Variants in PCDHGB4 observed in about 807,000 individuals in gnomAD.
PCDHGB4 encodes protocadherin gamma-B4.
A neutral mutation model predicts 60.5 loss-of-function variants in PCDHGB4; 38 were observed. The ratio of observed to expected loss-of-function variants is 0.63; its 90% CI spans 0.48 to 0.82. PCDHGB4 has a LOEUF of 0.82. PCDHGB4 is among the 40% of genes least tolerant of loss of function. PCDHGB4 has a pLI of 0.00. For missense variants in PCDHGB4, 1,109 were observed against 1,209.6 expected, an observed-to-expected ratio of 0.92 and a Z score of 1.23; for synonymous variants, 456 against 509.7, an observed-to-expected ratio of 0.89 and a Z score of 1.42.
At chr5:141,433,256 C>G (rs760130587) in intron 1 of PCDHGB4, 2 of 1,385,666 alleles carry the variant, frequency 1.4e-6, no homozygotes, top group Non-Finnish European at 2.0e-6. Context: ...TGCAGCGGTA[C>G]GATCATAGCT....
intron 1 of PCDHGB4, among the ~76,000 whole-genome samples, chr5:141,466,884 T>G (rs901947336): frequency 2.6e-5 from 4 of 152,212 alleles, no homozygotes; most frequent in Admixed American, 1.3e-4. Flanking sequence ...TTTCATAATA[T>G]GCATTTTCCA....
intron 1 of PCDHGB4, among the ~76,000 whole-genome samples, chr5:141,460,961 A>ATATG (rs1463306338): frequency 3.5e-5 from 5 of 144,556 alleles, no homozygotes; most frequent in African/African-American, 1.3e-4. Flanking sequence ...GTATATATAT[A>ATATG]TGTGTGTGTG....
chr5:141,487,771 T>C lies in PCDHGB4; in HGVS notation c.2398-7036T>C. The C allele has an allele frequency of 1.3e-6, 2 of 1,537,446 alleles. No homozygotes were observed. Among genetic ancestry groups the C allele is most frequent in the South Asian group, 2.4e-5 (2 of 82,456 alleles). ...ACTATGTGGTAGACGCTGTGCTTTGTAACTGTTTCGTGAATTAACCAGAGT... is the reference window on the plus strand; with the variant it reads ...ACTATGTGGTAGACGCTGTGCTTTGCAACTGTTTCGTGAATTAACCAGAGT... On this transcript the variant is annotated intron_variant, in intron 1 of 3. Coordinates refer to ENST00000519479, the MANE Select transcript of PCDHGB4 (RefSeq NM_003736.4). This position sits in a 1 kb window ranked among gnomAD's most constrained non-coding sequence, Gnocchi z 5.0.
Position 141,431,615 on chromosome 5 carries a change from G to A in PCDHGB4, c.2397+41334G>A. 1.2e-6 allele frequency: 2 copies of A among 1,614,236 alleles called. No homozygotes were observed. Among genetic ancestry groups the A allele is most frequent in the Non-Finnish European group, 1.7e-6 (2 of 1,180,042 alleles). ...GAGGTATTCCTTCCGGTATGTGGACGACAAGGCGGCCCAAGTTTTCAAACT... is the reference window on the plus strand; with the variant it reads ...GAGGTATTCCTTCCGGTATGTGGACAACAAGGCGGCCCAAGTTTTCAAACT... On this transcript the variant is annotated intron_variant, in intron 1 of 3. Coordinates refer to ENST00000519479, the MANE Select transcript of PCDHGB4 (RefSeq NM_003736.4). The surrounding 1 kb of genome is among the most constrained non-coding windows in gnomAD (Gnocchi z 4.8).
intron 1 of PCDHGB4, chr5:141,395,176 A>G (rs750497200): frequency 1.1e-5 from 18 of 1,614,206 alleles, no homozygotes; most frequent in East Asian, 8.9e-5. Flanking sequence ...TGTGAGAAAA[A>G]TGATTCTTTG....
chr5:141,508,974 G>A (rs962653911), intron 3 of PCDHGB4, among the ~76,000 whole-genome samples: 2 of 152,128 alleles, frequency 1.3e-5, no homozygotes, highest in Non-Finnish European at 2.9e-5. Flanking sequence ...AAAGGGCTGG[G>A]GGTGGGGGCC....
Position 141,489,361 on chromosome 5 carries a change from C to A in PCDHGB4, c.2398-5446C>A. ...TTACTCAGTGGTGGAGGAGTCTGAG[C>A]CGGGGACGCTGGTGGGGAATGTTGC... On this transcript the variant is annotated intron_variant, in intron 1 of 3. Transcript: ENST00000519479. This position sits in a 1 kb window ranked among gnomAD's most constrained non-coding sequence, Gnocchi z 4.5. 1 of 1,612,880 alleles carries A rather than the reference C, an allele frequency of 6.2e-7. No individual in the cohort carries two copies. The highest frequency in any genetic ancestry group is 8.5e-7 in the Non-Finnish European group (1 of 1,179,164).
At chr5:141,470,015 G>C (rs999085849) in intron 1 of PCDHGB4, among the ~76,000 whole-genome samples, 1 of 152,130 alleles carries the variant, frequency 6.6e-6, no homozygotes, top group Non-Finnish European at 1.5e-5. Context: ...TGTAATCCCA[G>C]CTACTCGGGA....
In PCDHGB4 at chr5:141,402,929, A is replaced by G. The variant is rs751760276; in HGVS notation, c.2397+12648A>G. 12 of 1,583,076 alleles carry G rather than the reference A, an allele frequency of 7.6e-6. No individual in the cohort carries two copies. In the South Asian group the frequency reaches 1.3e-4, roughly 17 times the overall value. On this transcript the variant is annotated intron_variant, in intron 1 of 3. Coordinates refer to ENST00000519479, the MANE Select transcript of PCDHGB4 (RefSeq NM_003736.4). ...AGCAGCGCGCACAGAGATCCTTTTG[A>G]GAAAATTCCAAAGCGAGGCAGCAAT...
chr5:141,443,235 C>G (rs1182428300), intron 1 of PCDHGB4, among the ~76,000 whole-genome samples: 2 of 151,642 alleles, frequency 1.3e-5, no homozygotes, highest in East Asian at 1.9e-4. Flanking sequence ...AATCTTAGCA[C>G]TTTGGGGCGC....
rs1596285501 is a variant in PCDHGB4, at chr5:141,510,367, C to A, written c.2546-580C>A. Among the ~76,000 whole-genome samples the A allele has an allele frequency of 5.0e-5, 7 of 140,362 alleles. 1 individual carries two copies. In the South Asian group the frequency reaches 1.6e-3, roughly 31 times the overall value. The allele number at this position is 140,362 out of a possible 152,430, so 92.1% of individuals were successfully genotyped here. A position where few individuals can be genotyped will look rare whatever the true frequency, so the allele number is the denominator to read the frequency against. On this transcript the variant is annotated intron_variant, in intron 3 of 3. Transcript: ENST00000519479. ...ACACTTACTAACGGAACTACCGAAT[C>A]TCTACTCGTGCCAGGCCTTGCTTGG...
chr5:141,423,531 C>T, intron 1 of PCDHGB4: 1 of 1,613,736 alleles, frequency 6.2e-7, no homozygotes, highest in South Asian at 1.1e-5. Context: ...AGAAGAGTCA[C>T]CTGATTTTCC....
At chr5:141,478,864 A>G in intron 1 of PCDHGB4, 1 of 1,322,156 alleles carries the variant, frequency 7.6e-7, no homozygotes, top group Non-Finnish European at 1.0e-6. Flanking sequence ...GATCTCAGCG[A>G]TCAGAGTTTA....
chr5:141,468,360 A>T (rs1249822461), intron 1 of PCDHGB4: 1 of 151,938 alleles, frequency 6.6e-6, no homozygotes, highest in East Asian at 1.9e-4. Flanking sequence ...GAAAGAAAAA[A>T]GAAATAACTC....
chr5:141,496,342 G>A (rs1430202202), intron 2 of PCDHGB4, among the ~76,000 whole-genome samples: 1 of 152,208 alleles, frequency 6.6e-6, no homozygotes, highest in East Asian at 1.9e-4. Context: ...GAGCCTGGAG[G>A]AGTCTCAGAG....
At chr5:141,426,407 C>T (rs974898367) in intron 1 of PCDHGB4, 5 of 257,632 alleles carry the variant, frequency 1.9e-5, no homozygotes, top group African/African-American at 6.6e-5. Context: ...CCAGAAGAAA[C>T]GGTCCAGGGC....
chr5:141,409,927 C>T, intron 1 of PCDHGB4: 5 of 1,613,342 alleles, frequency 3.1e-6, no homozygotes, highest in Middle Eastern at 1.6e-4. Flanking sequence ...CCGCGTTCTT[C>T]GATATGGTAC....
At chr5:141,391,345 G>C (rs1233916830) in intron 1 of PCDHGB4, 1 of 139,580 alleles carries the variant, frequency 7.2e-6, no homozygotes, top group Admixed American at 7.6e-5. Context: ...CAGAGTCTCT[G>C]TCTGTTACTC....
chr5:141,416,650 A>G (rs935670434), intron 1 of PCDHGB4: 2 of 152,238 alleles, frequency 1.3e-5, no homozygotes, highest in Admixed American at 6.5e-5. Context: ...CCACAGCTGT[A>G]AAAAAGAAAA....
Sources: allele counts gnomAD v4.1 joint callset (sites outside exome capture counted in the v4.1 genomes callset), GRCh38; gene constraint gnomAD v4.1.1; non-coding constraint Gnocchi (gnomAD v3.1); transcripts MANE v1.5; gene names NCBI Gene and HGNC (gene_info 2026-07-23, HGNC 2026-07-21).